DISC1: variants seen among roughly 807,000 people sequenced by gnomAD.
DISC1 encodes the protein disrupted in schizophrenia 1 protein.
Under a neutral mutation model 84.5 loss-of-function variants are expected in DISC1, and 57 were observed. The observed-to-expected ratio is 0.67, with a 90% CI of 0.55 to 0.84. The LOEUF is 0.84. DISC1 is among the 40% of genes least tolerant of loss of function. DISC1 has a pLI of 0.00. For synonymous variants in DISC1, 411 were observed against 415.2 expected, an observed-to-expected ratio of 0.99 and a Z score of 0.12; for missense variants, 1,000 against 1,057.8, an observed-to-expected ratio of 0.95 and a Z score of 0.76.
chr1:231,653,932 C>T (rs929256038), intron 1 of DISC1, among the ~76,000 whole-genome samples: 14 of 152,294 alleles, frequency 9.2e-5, no homozygotes, highest in Middle Eastern at 3.4e-3. Context: ...GAGTAAAGAG[C>T]GGGCAGCACA....
intron 9 of DISC1, among the ~76,000 whole-genome samples, chr1:231,950,255 A>G (rs1268728285): frequency 7.8e-6 from 1 of 128,864 alleles, no homozygotes; most frequent in Non-Finnish European, 1.8e-5. Flanking sequence ...TGTGATGCCC[A>G]TATTTCAGGG....
At chr1:231,816,203 A>G (rs2080960966) in intron 8 of DISC1, among the ~76,000 whole-genome samples, 1 of 152,238 alleles carries the variant, frequency 6.6e-6, no homozygotes, top group Non-Finnish European at 1.5e-5. Context: ...ATGATTAATG[A>G]TGTCAAATGT....
At chr1:231,723,466 T>G in intron 3 of DISC1, 1 of 985,524 alleles carries the variant, frequency 1.0e-6, no homozygotes, top group Non-Finnish European at 1.2e-6. Flanking sequence ...CAGAACTTAT[T>G]TCTGGTCTGG....
rs556713865 is a variant in DISC1, at chr1:231,797,520, T to G, written c.1689+2224T>G. Among the ~76,000 whole-genome samples, 21 of 152,278 alleles carry G rather than the reference T, an allele frequency of 1.4e-4. No individual in the cohort carries two copies. In the South Asian group the frequency reaches 3.7e-3, roughly 27 times the overall value. ...AGGCTGCAGACGGTTGACTTCTTGT[T>G]GTATTCCTGCATGGAAGAAAGAGGG... On this transcript the variant is annotated intron_variant, in intron 7 of 12. Transcript: ENST00000439617.
chr1:231,667,884 G>C (rs749717813), intron 1 of DISC1, among the ~76,000 whole-genome samples: 3 of 151,850 alleles, frequency 2.0e-5, no homozygotes, highest in Non-Finnish European at 4.4e-5. Context: ...AGGTCTTATT[G>C]ACATAAAAAA....
At chr1:231,716,223 A>G (rs752272772) in intron 3 of DISC1, among the ~76,000 whole-genome samples, 3 of 151,734 alleles carry the variant, frequency 2.0e-5, no homozygotes, top group Non-Finnish European at 4.4e-5. Context: ...GTTAGTGCCA[A>G]TAGCGTGCAG....
chr1:232,017,943 A>G (rs539396872), intron 11 of DISC1, among the ~76,000 whole-genome samples: 1 of 152,206 alleles, frequency 6.6e-6, no homozygotes, highest in Non-Finnish European at 1.5e-5. Context: ...GAAATAGACT[A>G]TTTAAATCAT....
intron 10 of DISC1, among the ~76,000 whole-genome samples, chr1:231,995,197 A>G (rs1665754089): frequency 6.6e-6 from 1 of 152,240 alleles, no homozygotes; most frequent in Admixed American, 6.5e-5. Context: ...AGGGAAAAAC[A>G]TGCCTACAGA....
At chr1:231,723,612 T>G (rs890460666) in intron 3 of DISC1, 8 of 985,468 alleles carry the variant, frequency 8.1e-6, no homozygotes, top group Non-Finnish European at 9.6e-6. Flanking sequence ...TCCTATTCTG[T>G]CTTATAACAG....
At chr1:232,018,590 G>A (rs1195777705) in intron 11 of DISC1, among the ~76,000 whole-genome samples, 5 of 152,208 alleles carry the variant, frequency 3.3e-5, no homozygotes, top group African/African-American at 7.2e-5. Context: ...GGGTGAGCAG[G>A]ACAGAAATTT....
At chr1:231,800,691 C>T (rs1056918011) in intron 8 of DISC1, among the ~76,000 whole-genome samples, 1 of 152,144 alleles carries the variant, frequency 6.6e-6, no homozygotes, top group Non-Finnish European at 1.5e-5. Flanking sequence ...AGCTTGAAGT[C>T]AAGAGTCTCT....
chr1:231,916,366 C>T (rs1049087854), intron 9 of DISC1, among the ~76,000 whole-genome samples: 1 of 152,238 alleles, frequency 6.6e-6, no homozygotes, highest in African/African-American at 2.4e-5. Flanking sequence ...TATCCACAAT[C>T]TAAATTGTGT....
chr1:232,026,497 G>A lies in DISC1; in HGVS notation c.2370G>A (p.Leu790=), dbSNP rs200687715. 174 of 1,608,400 alleles carry A rather than the reference G, an allele frequency of 1.1e-4. No individual in the cohort carries two copies. The highest frequency in any genetic ancestry group is 1.3e-4 in the Non-Finnish European group (149 of 1,177,392). ...EKCEDIGKKL[L]YLEDQLHTAI... is the part of the protein sequence containing the mutation. ...GTGAAGACATAGGCAAGAAGCTATT[G>A]TACTTGGAAGATCAACTTCACACAG... is the stretch of plus-strand genomic sequence containing the variant. Residue 790 remains leucine (L), a synonymous_variant, in exon 12 of 13, where the codon TTG becomes TTA. Transcript: ENST00000439617.
At chr1:231,952,567 CAATT>C (rs533928591) in intron 9 of DISC1, among the ~76,000 whole-genome samples, 141 of 151,958 alleles carry the variant, frequency 9.3e-4, no homozygotes, top group African/African-American at 3.2e-3. Flanking sequence ...TAAAATCACA[CAATT>C]AACCTCTCAC....
intron 9 of DISC1, among the ~76,000 whole-genome samples, chr1:231,840,490 T>G (rs1312973126): frequency 1.3e-5 from 2 of 152,114 alleles, no homozygotes; most frequent in Admixed American, 6.5e-5. Flanking sequence ...AAACTATCAA[T>G]ATACACAACA....
At chr1:231,642,285 C>T (rs2059785896) in intron 1 of DISC1, among the ~76,000 whole-genome samples, 1 of 152,254 alleles carries the variant, frequency 6.6e-6, no homozygotes, top group African/African-American at 2.4e-5. Context: ...GCCCGCGCCT[C>T]TCCCTCCACA....
intron 9 of DISC1, among the ~76,000 whole-genome samples, chr1:231,915,562 T>C (rs983720329): frequency 6.6e-6 from 1 of 152,260 alleles, no homozygotes; most frequent in East Asian, 1.9e-4. Flanking sequence ...GGTGGGCGGA[T>C]CACCTGAGGT....
At chr1:231,801,443 ATCTC>A (rs1300140889) in intron 8 of DISC1, among the ~76,000 whole-genome samples, 1 of 152,202 alleles carries the variant, frequency 6.6e-6, no homozygotes, top group African/African-American at 2.4e-5. Context: ...AATGTGAACA[ATCTC>A]TCTTCAGACT....
Position 231,675,856 on chromosome 1 carries a change from T to C in DISC1, c.68-17970T>C, listed in dbSNP as rs562432180. Among the ~76,000 whole-genome samples the C allele has an allele frequency of 5.8e-4, 87 of 150,848 alleles. No individual in the cohort carries two copies. The highest frequency in any genetic ancestry group is 1.4e-3 in the African/African-American group (57 of 40,998). On this transcript the variant is annotated intron_variant, in intron 1 of 12. Transcript: ENST00000439617. This position sits in a 1 kb window ranked among gnomAD's most constrained non-coding sequence, Gnocchi z 4.1. ...TTGTATTTGTTTTTTCTTTTCTTTTTTTTTTTTTTTTGACACAGAATTCCC... is the reference window on the plus strand; with the variant it reads ...TTGTATTTGTTTTTTCTTTTCTTTTCTTTTTTTTTTTGACACAGAATTCCC...
Sources: allele counts gnomAD v4.1 joint callset (sites outside exome capture counted in the v4.1 genomes callset), GRCh38; gene constraint gnomAD v4.1.1; non-coding constraint Gnocchi (gnomAD v3.1); transcripts MANE v1.5; gene names NCBI Gene and HGNC (gene_info 2026-07-23, HGNC 2026-07-21).